The following CELF4 variants were observed in gnomAD, a reference collection of about 807,000 sequenced individuals.
The protein encoded by CELF4 is CUG-BP- and ETR-3-like factor 4.
CELF4 carries 18 observed loss-of-function variants against 59.9 expected under a neutral mutation model. The ratio of observed to expected loss-of-function variants is 0.30; its 90% CI spans 0.21 to 0.45. CELF4 has a LOEUF of 0.45. Ranked by LOEUF, CELF4 falls within the 20% of genes least tolerant of loss-of-function variation. The pLI, the probability that CELF4 is intolerant of heterozygous loss-of-function variation, is 1.00. For synonymous variants in CELF4, 261 were observed against 267.1 expected (o/e 0.98, Z 0.22); for missense variants, 456 against 689.0 (o/e 0.66, Z 3.79).
intron 2 of CELF4, among the ~76,000 whole-genome samples, chr18:37,456,578 T>C (rs1334877634): frequency 6.6e-6 from 1 of 152,172 alleles, no homozygotes; most frequent in Non-Finnish European, 1.5e-5. Flanking sequence ...GGCCACATCT[T>C]TCCCAAAAGG....
At chr18:37,399,109 T>C (rs2099285086) in intron 2 of CELF4, among the ~76,000 whole-genome samples, 1 of 152,164 alleles carries the variant, frequency 6.6e-6, no homozygotes, top group African/African-American at 2.4e-5. Context: ...CTCACAGTCG[T>C]TTTTTGTTCA....
chr18:37,564,505 C>A (rs1461667546), intron 1 of CELF4, among the ~76,000 whole-genome samples: 5 of 152,146 alleles, frequency 3.3e-5, no homozygotes, highest in Admixed American at 3.3e-4. Flanking sequence ...TGGCAATGAT[C>A]GCTTCAAGGG....
At chr18:37,349,266 A>G (rs1317362942) in intron 2 of CELF4, among the ~76,000 whole-genome samples, 1 of 152,182 alleles carries the variant, frequency 6.6e-6, no homozygotes, top group Non-Finnish European at 1.5e-5. Flanking sequence ...AGCCACCAGG[A>G]TGTCCCTCCT....
chr18:37,369,267 G>A (rs1012206486), intron 2 of CELF4, among the ~76,000 whole-genome samples: 2 of 152,190 alleles, frequency 1.3e-5, no homozygotes, highest in African/African-American at 4.8e-5. Context: ...GGCAGCGGGA[G>A]GCTGGGCTCT....
intron 2 of CELF4, among the ~76,000 whole-genome samples, chr18:37,424,763 A>G (rs1941812960): frequency 1.3e-5 from 2 of 151,630 alleles, no homozygotes; most frequent in African/African-American, 4.9e-5. Context: ...TCCTCCCCCT[A>G]CCCTTCTCAC....
Position 37,246,855 on chromosome 18 carries a change from C to CTT in CELF4, c.*45-1660_*45-1659dup, listed in dbSNP as rs1168215316. The stretch of plus-strand genomic sequence containing the variant: ...ATCTTTATTTTGACTATTTTTTGTT[C>CTT]TTTTGTTTTGTTTTTTTCTCTATGT... On this transcript the variant is annotated intron_variant, in intron 12 of 12. Coordinates refer to ENST00000420428, the MANE Select transcript of CELF4 (RefSeq NM_020180.4). This position sits in a 1 kb window ranked among gnomAD's most constrained non-coding sequence, Gnocchi z 5.3. The CTT allele has an allele frequency of 1.3e-5, 2 of 151,894 alleles. No individual in the cohort carries two copies. The highest frequency in any genetic ancestry group is 4.8e-5 in the African/African-American group (2 of 41,360). 9.4% of individuals were successfully genotyped at this position (151,894 alleles called of 1,614,324 possible).
intron 2 of CELF4, among the ~76,000 whole-genome samples, chr18:37,341,691 G>C (rs1216363643): frequency 6.6e-6 from 1 of 152,180 alleles, no homozygotes; most frequent in African/African-American, 2.4e-5. Context: ...ATGCTCCAGA[G>C]GGGACCCTGC....
At chr18:37,465,745 A>G (rs1313006000) in intron 2 of CELF4, among the ~76,000 whole-genome samples, 1 of 152,186 alleles carries the variant, frequency 6.6e-6, no homozygotes, top group African/African-American at 2.4e-5. Flanking sequence ...AGTAAGTGTA[A>G]TGGAAGGGAA....
chr18:37,502,432 G>A (rs1375494524), intron 1 of CELF4, among the ~76,000 whole-genome samples: 1 of 152,116 alleles, frequency 6.6e-6, no homozygotes, highest in African/African-American at 2.4e-5. Context: ...GAGAGGGAGG[G>A]CTCTGCTTCT....
At chr18:37,251,003 A>G (rs1786061) in intron 12 of CELF4, among the ~76,000 whole-genome samples, 67,515 of 151,800 alleles carry the variant, frequency 0.44, 17,646 homozygotes, top group African/African-American at 0.74. Flanking sequence ...ACTCTGGGGT[A>G]ATAGGTTGGG....
At chr18:37,344,106 T>C (rs1476845205) in intron 2 of CELF4, among the ~76,000 whole-genome samples, 1 of 152,240 alleles carries the variant, frequency 6.6e-6, no homozygotes, top group Non-Finnish European at 1.5e-5. Flanking sequence ...AGCTCCACAC[T>C]GTTCATCCAC....
chr18:37,436,621 A>G (rs1007975705), intron 2 of CELF4, among the ~76,000 whole-genome samples: 1 of 152,206 alleles, frequency 6.6e-6, no homozygotes, highest in Non-Finnish European at 1.5e-5. Context: ...AGCTCAGGCT[A>G]TACAGAGGCT....
intron 2 of CELF4, among the ~76,000 whole-genome samples, chr18:37,472,947 C>G (rs1046299837): frequency 1.3e-5 from 2 of 152,124 alleles, no homozygotes; most frequent in Non-Finnish European, 2.9e-5. Context: ...AACTCGCCCC[C>G]CAGAACTGAT....
At chr18:37,481,860 T>A (rs939318257) in intron 2 of CELF4, among the ~76,000 whole-genome samples, 8 of 152,202 alleles carry the variant, frequency 5.3e-5, no homozygotes, top group African/African-American at 1.9e-4. Context: ...TCAGTGCTGG[T>A]CCTGGCTCGG....
chr18:37,450,651 C>T (rs1479615287), intron 2 of CELF4, among the ~76,000 whole-genome samples: 2 of 152,094 alleles, frequency 1.3e-5, no homozygotes, highest in African/African-American at 4.8e-5. Flanking sequence ...CCTATCTTCC[C>T]GCTGGGGCCT....
At chr18:37,328,367 C>T (rs1218115516) in intron 2 of CELF4, among the ~76,000 whole-genome samples, 1 of 152,172 alleles carries the variant, frequency 6.6e-6, no homozygotes, top group Non-Finnish European at 1.5e-5. Context: ...GCGCTGGCAG[C>T]CGAGGTGACT....
At chr18:37,483,141 C>T (rs565987251) in intron 2 of CELF4, among the ~76,000 whole-genome samples, 1 of 152,240 alleles carries the variant, frequency 6.6e-6, no homozygotes, top group Admixed American at 6.5e-5. Flanking sequence ...TTGGCTTGGT[C>T]CCGTCCCTGC....
intron 1 of CELF4, chr18:37,485,819 T>G: frequency 2.7e-6 from 1 of 366,612 alleles, no homozygotes; most frequent in Non-Finnish European, 4.8e-6. Flanking sequence ...CTTTTCTATT[T>G]TGCTCCCTCC....
intron 1 of CELF4, among the ~76,000 whole-genome samples, chr18:37,531,626 G>T (rs955849419): frequency 2.0e-5 from 3 of 152,174 alleles, no homozygotes; most frequent in Non-Finnish European, 2.9e-5. Context: ...GAAAGTAAAG[G>T]ACTTGAGAGT....
Sources: gnomAD v4.1 joint callset for allele counts (sites outside exome capture counted in the v4.1 genomes callset) on GRCh38, gnomAD v4.1.1 for gene constraint, Gnocchi (gnomAD v3.1) non-coding constraint, MANE v1.5 for transcripts, NCBI Gene and HGNC (gene_info 2026-07-23, HGNC 2026-07-21) for gene names.